VPS53: variants seen among roughly 807,000 people sequenced by gnomAD.
VPS53 encodes the protein vacuolar protein sorting-associated protein 53 homolog.
In VPS53, 70 loss-of-function variants were observed where a neutral mutation model predicts 107.0. The observed-to-expected ratio is 0.65, with a 90% CI of 0.54 to 0.80. The LOEUF is 0.80. Among genes scored for constraint, VPS53 ranks in the 30% least tolerant of loss-of-function variants. The pLI, the probability that VPS53 is intolerant of heterozygous loss-of-function variation, is 0.00. For missense variants in VPS53, 917 were observed against 1,049.4 expected, an observed-to-expected ratio of 0.87 and a Z score of 1.74; for synonymous variants, 409 against 393.3, an observed-to-expected ratio of 1.04 and a Z score of -0.47.
chr17:590,533 T>C (rs1369850591), intron 12 of VPS53, among the ~76,000 whole-genome samples: 1 of 152,146 alleles, frequency 6.6e-6, no homozygotes, highest in Non-Finnish European at 1.5e-5. Context: ...ATAGCGCTTA[T>C]GATTTTGAGA....
intron 11 of VPS53, among the ~76,000 whole-genome samples, chr17:605,237 C>T (rs1055475404): frequency 1.3e-5 from 2 of 152,052 alleles, no homozygotes; most frequent in Non-Finnish European, 2.9e-5. Flanking sequence ...ATTAGAGAGG[C>T]GGCACTGTAG....
chr17:661,733 T>G, intron 5 of VPS53, 76 bp downstream of exon 5: 1 of 1,400,422 alleles, frequency 7.1e-7, no homozygotes, highest in Non-Finnish European at 9.7e-7. Context: ...TAGAAAAAGC[T>G]CATTATTAGA....
At chr17:616,045 C>A (rs557753396) in intron 11 of VPS53, 1 of 152,418 alleles carries the variant, frequency 6.6e-6, no homozygotes, top group African/African-American at 2.4e-5. Flanking sequence ...CTTCACGTCT[C>A]CTCACAGCAG....
At chr17:574,385 C>T (rs960571567) in intron 13 of VPS53, among the ~76,000 whole-genome samples, 4 of 152,078 alleles carry the variant, frequency 2.6e-5, no homozygotes, top group Non-Finnish European at 4.4e-5. Context: ...AGAGTGGATG[C>T]CAGAATTACA....
intron 12 of VPS53, among the ~76,000 whole-genome samples, chr17:598,712 A>AC (rs1968133588): frequency 1.3e-5 from 1 of 74,652 alleles, no homozygotes; most frequent in African/African-American, 4.6e-5. Flanking sequence ...AAGTGAGGAG[A>AC]CCCTCTGCCC....
At chr17:714,550 C>A in intron 1 of VPS53, 73 bp downstream of exon 1, 1 of 1,433,612 alleles carries the variant, frequency 7.0e-7, no homozygotes, top group South Asian at 1.3e-5. Flanking sequence ...CCCGCCGCGG[C>A]CTCCCCAGCG....
rs1242023081 is a variant in VPS53 at position 515,674 on chromosome 17, G to A, written c.*3454C>T. On this transcript the variant is annotated 3_prime_UTR_variant, in exon 22 of 22. Transcript: ENST00000437048. ...AGTACCCGGCCTAGGGTGCCCCTTT[G>A]ATACGTTATTTTTGAAGTGATGTTA... The A allele has an allele frequency of 1.3e-5, 2 of 152,052 alleles. No individual in the cohort carries two copies. Among genetic ancestry groups the A allele is most frequent in the African/African-American group, 2.4e-5 (1 of 41,410 alleles). 9.4% of individuals were successfully genotyped at this position (152,052 alleles called of 1,614,324 possible).
In VPS53 at chr17:519,995, C is replaced by G. The variant is rs775856679; in HGVS notation, c.2224-65G>C. 8.2e-7 allele frequency: 1 copy of G among 1,216,826 alleles called. No homozygotes were observed. The highest frequency in any genetic ancestry group is 1.2e-6 in the Non-Finnish European group (1 of 846,736). 75.4% of individuals were successfully genotyped at this position (1,216,826 alleles called of 1,614,324 possible). A position where few individuals can be genotyped will look rare whatever the true frequency, so the allele number is the denominator to read the frequency against. On this transcript the variant is annotated intron_variant, in intron 20 of 21. Transcript: ENST00000437048. The surrounding 1 kb of genome is among the most constrained non-coding windows in gnomAD (Gnocchi z 5.0). ...CTACCACCACGGGAGGAGACAGGAG[C>G]GGGCCCTCAAGAAAACTCACTACCC... is the stretch of plus-strand genomic sequence containing the variant.
chr17:618,214 A>G (rs1229054954), intron 11 of VPS53, among the ~76,000 whole-genome samples: 2 of 69,476 alleles, frequency 2.9e-5, no homozygotes, highest in Admixed American at 1.3e-4. Context: ...ACCACGCCCC[A>G]CTAATATTTC....
chr17:667,832 TTC>T (rs1971762415), intron 4 of VPS53, among the ~76,000 whole-genome samples: 1 of 152,116 alleles, frequency 6.6e-6, no homozygotes, highest in Non-Finnish European at 1.5e-5. Flanking sequence ...GAGCATGATC[TTC>T]TGAGCTCCCC....
At chr17:533,266 A>C (rs1250962493) in intron 18 of VPS53, among the ~76,000 whole-genome samples, 1 of 152,140 alleles carries the variant, frequency 6.6e-6, no homozygotes. Context: ...CAGGCACCGC[A>C]CCTGGCTACT....
chr17:509,279 GC>G lies in VPS53; in HGVS notation c.*9848del, dbSNP rs1907782897. The stretch of plus-strand genomic sequence containing the variant: ...ATCCTGGCTGGCTCACCCCTTACTA[GC>G]CACATATCAAATCCTGGCTGACCCC... On this transcript the variant is annotated 3_prime_UTR_variant, in exon 22 of 22. Transcript: ENST00000437048. 1 of 149,336 alleles carries G rather than the reference GC, an allele frequency of 6.7e-6. No individual in the cohort carries two copies. The highest frequency in any genetic ancestry group is 1.9e-4 in the South Asian group (1 of 5,204). 9.3% of individuals were successfully genotyped at this position (149,336 alleles called of 1,614,324 possible).
Position 537,049 on chromosome 17 carries a change from T to C in VPS53, c.1994A>G (p.Gln665Arg). 6.2e-7 allele frequency: 1 copy of C among 1,614,158 alleles called. No individual in the cohort carries two copies. Among genetic ancestry groups the C allele is most frequent in the Non-Finnish European group, 8.5e-7 (1 of 1,180,028 alleles). Residue 665 changes from glutamine to arginine, a missense_variant, in exon 18 of 22, where the codon CAG becomes CGG. By Grantham distance (43) the Gln-to-Arg change is conservative. Transcript: ENST00000437048. ...NLASTRKYFT[Q>R]FCVKFANSFI... ...TTACTTTGCAAATTTAACGCAGAAC[T>C]GAGTGAAGTACTTGCGTGTGGAAGC...
At chr17:613,860 A>C (rs1419946835) in intron 11 of VPS53, among the ~76,000 whole-genome samples, 3 of 152,294 alleles carry the variant, frequency 2.0e-5, no homozygotes, top group Admixed American at 6.5e-5. Flanking sequence ...ACAGTGAAAA[A>C]GTGGAAACCA....
intron 11 of VPS53, among the ~76,000 whole-genome samples, chr17:613,349 TCA>T: frequency 6.6e-6 from 1 of 151,722 alleles, no homozygotes; most frequent in Admixed American, 6.6e-5. Context: ...CATAGTGAGT[TCA>T]CACAGTGAAA....
At chr17:645,780 T>C (rs961813659) in intron 7 of VPS53, among the ~76,000 whole-genome samples, 1 of 150,582 alleles carries the variant, frequency 6.6e-6, no homozygotes. Context: ...CCCACACACA[T>C]CTCCGTGACC....
chr17:643,650 G>C (rs558662826), intron 7 of VPS53, among the ~76,000 whole-genome samples: 85 of 136,672 alleles, frequency 6.2e-4, no homozygotes, highest in Non-Finnish European at 9.0e-4. Context: ...TACTTGGAAA[G>C]CGAGGACAAC....
chr17:655,737 T>C, intron 6 of VPS53, 101 bp downstream of exon 6: 2 of 1,095,188 alleles, frequency 1.8e-6, no homozygotes, highest in Non-Finnish European at 2.6e-6. Context: ...TGGGGCAGGA[T>C]GGTGAGACTT....
chr17:599,130 G>A (rs1387608177), intron 12 of VPS53, among the ~76,000 whole-genome samples: 1 of 145,698 alleles, frequency 6.9e-6, no homozygotes, highest in Admixed American at 6.8e-5. Flanking sequence ...AGGGAGGTGG[G>A]GGGGTCAGCC....
Sources: gnomAD v4.1 joint callset for allele counts (sites outside exome capture counted in the v4.1 genomes callset) on GRCh38, gnomAD v4.1.1 for gene constraint, Gnocchi (gnomAD v3.1) non-coding constraint, MANE v1.5 for transcripts, NCBI Gene and HGNC (gene_info 2026-07-23, HGNC 2026-07-21) for gene names.